MAP4K4: variants seen among roughly 807,000 people sequenced by gnomAD.
MAP4K4 encodes the protein HPK/GCK-like kinase HGK.
A neutral mutation model predicts 189.6 loss-of-function variants in MAP4K4; 38 were observed. That is an observed-to-expected ratio of 0.20 (90% CI 0.15 to 0.26). The LOEUF is 0.26. Among genes scored for constraint, MAP4K4 ranks in the 10% least tolerant of loss-of-function variants. The pLI, the probability that MAP4K4 is intolerant of heterozygous loss-of-function variation, is 1.00. For missense variants in MAP4K4, 1,054 were observed against 1,726.9 expected, an observed-to-expected ratio of 0.61 and a Z score of 6.91; for synonymous variants, 610 against 624.3, an observed-to-expected ratio of 0.98 and a Z score of 0.34.
At chr2:101,851,057 C>T (rs746040034) in intron 12 of MAP4K4, among the ~76,000 whole-genome samples, 3 of 152,130 alleles carry the variant, frequency 2.0e-5, no homozygotes, top group Admixed American at 6.5e-5. Context: ...CTCACTATTA[C>T]TAGTGTAATT....
At chr2:101,854,372 C>A (rs1000573928) in intron 12 of MAP4K4, among the ~76,000 whole-genome samples, 1 of 152,162 alleles carries the variant, frequency 6.6e-6, no homozygotes, top group Admixed American at 6.5e-5. Flanking sequence ...ATGACCCCAT[C>A]TCCACCCATG....
At chr2:101,769,585 T>C (rs2150326173) in intron 2 of MAP4K4, among the ~76,000 whole-genome samples, 1 of 152,170 alleles carries the variant, frequency 6.6e-6, no homozygotes, top group Non-Finnish European at 1.5e-5. Context: ...AGAAATGTCT[T>C]TTTCTTTTTT....
At chr2:101,840,359 A>G (rs1249721565) in intron 10 of MAP4K4, among the ~76,000 whole-genome samples, 1 of 152,124 alleles carries the variant, frequency 6.6e-6, no homozygotes, top group Non-Finnish European at 1.5e-5. Context: ...GTGTTTCTGT[A>G]TAATTCTCCT....
At chr2:101,724,473 G>A (rs578237950) in intron 2 of MAP4K4, among the ~76,000 whole-genome samples, 33 of 152,316 alleles carry the variant, frequency 2.2e-4, no homozygotes, top group African/African-American at 7.2e-4. Flanking sequence ...AAAGGCAGCC[G>A]TTTCTGAAAC....
intron 3 of MAP4K4, among the ~76,000 whole-genome samples, chr2:101,820,187 T>C (rs1338030439): frequency 3.3e-5 from 5 of 152,220 alleles, no homozygotes; most frequent in Non-Finnish European, 7.3e-5. Context: ...TTCTTAATTA[T>C]TGCTCAGGAA....
chr2:101,755,929 C>CTTTTTTT lies in MAP4K4; in HGVS notation c.124-34768_124-34762dup, dbSNP rs57392183. On this transcript the variant is annotated intron_variant, in intron 2 of 32. Coordinates refer to ENST00000324219, the Ensembl canonical transcript of MAP4K4. ...TTTATTTATAGTATGAGTTCTTTTT[C>CTTTTTTT]TTTTTTTTTTTTTTTTTTTTTTTTT... Among the ~76,000 whole-genome samples the CTTTTTTT allele has an allele frequency of 3.8e-3, 222 of 57,826 alleles. 10 individuals carry two copies. Among genetic ancestry groups the CTTTTTTT allele is most frequent in the Non-Finnish European group, 5.4e-3 (176 of 32,330 alleles). The allele number at this position is 57,826 out of a possible 152,430, so 37.9% of individuals were successfully genotyped here. A position where few individuals can be genotyped will look rare whatever the true frequency, so the allele number is the denominator to read the frequency against.
At chr2:101,792,386 A>G (rs1160764843) in intron 3 of MAP4K4, among the ~76,000 whole-genome samples, 2 of 152,088 alleles carry the variant, frequency 1.3e-5, no homozygotes, top group Non-Finnish European at 2.9e-5. Flanking sequence ...CTCCCCTGAC[A>G]CAGCTGTTGT....
At chr2:101,714,081 A>G (rs1256763533) in intron 2 of MAP4K4, among the ~76,000 whole-genome samples, 2 of 152,196 alleles carry the variant, frequency 1.3e-5, no homozygotes, top group Admixed American at 1.3e-4. Flanking sequence ...TCCAGAGAGC[A>G]TTGCTTCAAG....
At chr2:101,876,389 G>A (rs992727312) in intron 26 of MAP4K4, among the ~76,000 whole-genome samples, 31 of 152,148 alleles carry the variant, frequency 2.0e-4, no homozygotes, top group African/African-American at 6.8e-4. Flanking sequence ...AGTAGGGTGA[G>A]TCAAATATCA....
At chr2:101,698,022 G>C (rs1476547726) in exon 1 of MAP4K4, 30 of 1,197,208 alleles carry the variant, frequency 2.5e-5, no homozygotes, top group Middle Eastern at 4.5e-4. Context: ...CTGCGGCTGA[G>C]ATACACAGAG....
intron 5 of MAP4K4, among the ~76,000 whole-genome samples, chr2:101,828,461 C>T (rs941571578): frequency 6.6e-6 from 1 of 152,178 alleles, no homozygotes; most frequent in Non-Finnish European, 1.5e-5. Flanking sequence ...TAATACCGCA[C>T]ATCCTGTGTT....
intron 7 of MAP4K4, among the ~76,000 whole-genome samples, chr2:101,834,018 G>A (rs1220401216): frequency 6.6e-6 from 1 of 152,198 alleles, no homozygotes; most frequent in East Asian, 1.9e-4. Context: ...GAAGTCTTAA[G>A]TATTAAATGC....
rs141557007 is a variant in MAP4K4 at position 101,791,542 on chromosome 2, A to G, written c.180+766A>G. On this transcript the variant is annotated intron_variant, in intron 3 of 32. Transcript: ENST00000324219. ...TTGCCCCTAACTTGCCTAGTTATGAATAGGATTCAATATCATATTTCACAG... is the reference window on the plus strand; with the variant it reads ...TTGCCCCTAACTTGCCTAGTTATGAGTAGGATTCAATATCATATTTCACAG... Among the ~76,000 whole-genome samples, 677 of 152,302 alleles carry G rather than the reference A, an allele frequency of 4.4e-3. 5 individuals carry two copies. Among genetic ancestry groups the G allele is most frequent in the African/African-American group, 0.015 (637 of 41,554 alleles).
At chr2:101,726,124 C>G (rs114570448) in intron 2 of MAP4K4, among the ~76,000 whole-genome samples, 24 of 152,356 alleles carry the variant, frequency 1.6e-4, no homozygotes, top group African/African-American at 5.5e-4. Context: ...GCCATTTCAT[C>G]TCTTACTCTT....
chr2:101,760,503 A>ATATATAT (rs2075811709), intron 2 of MAP4K4, among the ~76,000 whole-genome samples: 2 of 133,158 alleles, frequency 1.5e-5, no homozygotes, highest in African/African-American at 5.8e-5. Flanking sequence ...AAAAAAACAA[A>ATATATAT]ATATATATAT....
chr2:101,829,769 T>C, intron 6 of MAP4K4, 175 bp downstream of exon 6: 2 of 545,922 alleles, frequency 3.7e-6, no homozygotes, highest in South Asian at 4.2e-5. Context: ...GCCTCCCCAC[T>C]TCCATGTTTG....
chr2:101,789,515 C>T (rs2092462314), intron 2 of MAP4K4, among the ~76,000 whole-genome samples: 1 of 152,138 alleles, frequency 6.6e-6, no homozygotes, highest in Non-Finnish European at 1.5e-5. Flanking sequence ...GGTACAGTTA[C>T]TCAGTGTCAT....
intron 2 of MAP4K4, among the ~76,000 whole-genome samples, chr2:101,781,268 T>A (rs1284421439): frequency 6.6e-6 from 1 of 152,180 alleles, no homozygotes; most frequent in Non-Finnish European, 1.5e-5. Flanking sequence ...AGGGGCGCTA[T>A]CCTTTGTAAT....
intron 27 of MAP4K4, among the ~76,000 whole-genome samples, chr2:101,879,437 C>G (rs576599915): frequency 6.6e-5 from 10 of 151,912 alleles, no homozygotes; most frequent in Non-Finnish European, 1.0e-4. Context: ...TTATATTTCC[C>G]TCTCCTTTTC....
Sources: gnomAD v4.1 joint callset for allele counts (sites outside exome capture counted in the v4.1 genomes callset) on GRCh38, gnomAD v4.1.1 for gene constraint, MANE v1.5 for transcripts, NCBI Gene and HGNC (gene_info 2026-07-23, HGNC 2026-07-21) for gene names.